The following TRPC5 variants were observed in gnomAD, a reference collection of about 807,000 sequenced individuals.
TRPC5 encodes transient receptor potential cation channel subfamily C member 5.
A neutral mutation model predicts 56.5 loss-of-function variants in TRPC5; 9 were observed. The ratio of observed to expected loss-of-function variants is 0.16; its 90% confidence interval spans 0.10 to 0.28. The LOEUF is 0.28. Among genes scored for constraint, TRPC5 ranks in the 10% least tolerant of loss-of-function variants. TRPC5 has a pLI of 1.00. For missense variants in TRPC5, 469 were observed against 748.9 expected, an observed-to-expected ratio of 0.63 and a Z score of 4.36; for synonymous variants, 282 against 278.5, an observed-to-expected ratio of 1.01 and a Z score of -0.13.
intron 1 of TRPC5, among the ~76,000 whole-genome samples, chrX:111,976,413 C>T (rs745855357): frequency 9.0e-5 from 10 of 111,025 alleles, no homozygotes; most frequent in African/African-American, 3.3e-4. Context: ...GCCACTCTCA[C>T]TGACAGAGTG....
At chrX:111,934,179 T>C (rs1190314617) in intron 2 of TRPC5, among the ~76,000 whole-genome samples, 4 of 110,812 alleles carry the variant, frequency 3.6e-5, no homozygotes, top group East Asian at 2.8e-4. Flanking sequence ...TAAGCTTTTA[T>C]CCAAAAAATT....
At chrX:111,867,741 C>T (rs775593962) in intron 3 of TRPC5, among the ~76,000 whole-genome samples, 6 of 112,065 alleles carry the variant, frequency 5.4e-5, no homozygotes, top group African/African-American at 1.3e-4. Flanking sequence ...GAATGTTTAA[C>T]GCCTAGTGGG....
At chrX:111,824,331 C>T (rs893053478) in intron 7 of TRPC5, among the ~76,000 whole-genome samples, 1 of 110,298 alleles carries the variant, frequency 9.1e-6, no homozygotes, top group African/African-American at 3.3e-5. Context: ...CAGTACCTAC[C>T]TTATAAAGCT....
At chrX:112,018,112 G>A (rs1929176172) in intron 1 of TRPC5, among the ~76,000 whole-genome samples, 1 of 111,942 alleles carries the variant, frequency 8.9e-6, no homozygotes, top group South Asian at 3.7e-4. Flanking sequence ...AAATGCAAAT[G>A]GCAAAACCAC....
rs139721958 is a variant in TRPC5 at position 111,773,382 on chromosome X, G to A, written c.*2931C>T. Among the ~76,000 whole-genome samples the A allele has an allele frequency of 2.7e-3, 303 of 111,673 alleles. No homozygotes were observed. The highest frequency in any genetic ancestry group is 9.4e-3 in the African/African-American group (288 of 30,716). ...ATGAGATCAAATAAATGAATCCAAG[G>A]TGTCCGGAAGTGATAAGCCAACTGT... On this transcript the variant is annotated 3_prime_UTR_variant, in exon 11 of 11. Coordinates refer to ENST00000262839, the MANE Select transcript of TRPC5 (RefSeq NM_012471.3).
At chrX:111,913,121 T>G (rs1242777561) in intron 2 of TRPC5, among the ~76,000 whole-genome samples, 1 of 111,201 alleles carries the variant, frequency 9.0e-6, no homozygotes, top group Non-Finnish European at 1.9e-5. Context: ...GTTACAAAGT[T>G]TTTAGTCAGC....
chrX:112,031,219 A>G (rs1929577065), intron 1 of TRPC5, among the ~76,000 whole-genome samples: 1 of 111,911 alleles, frequency 8.9e-6, no homozygotes, highest in African/African-American at 3.2e-5. Flanking sequence ...GATGAACACA[A>G]TGAACTATCT....
At chrX:111,884,385 A>C (rs1845868338) in intron 3 of TRPC5, among the ~76,000 whole-genome samples, 1 of 112,565 alleles carries the variant, frequency 8.9e-6, no homozygotes. Context: ...GCGTAAACAG[A>C]GTCTTTTAAA....
At chrX:112,080,724 T>A (rs1930944115) in intron 1 of TRPC5, among the ~76,000 whole-genome samples, 1 of 112,187 alleles carries the variant, frequency 8.9e-6, no homozygotes, top group African/African-American at 3.2e-5. Context: ...TCTCAGTTTT[T>A]AAAGAGTTTA....
chrX:111,847,050 T>C, intron 6 of TRPC5, 64 bp downstream of exon 6: 1 of 1,102,488 alleles, frequency 9.1e-7, no homozygotes, highest in Non-Finnish European at 1.2e-6. Context: ...AGGACAAAAA[T>C]GGAGAAGGCG....
At chrX:111,912,892 G>T in intron 2 of TRPC5, 80 bp from the exon 3 acceptor site, 2 of 1,011,869 alleles carry the variant, frequency 2.0e-6, no homozygotes, top group South Asian at 2.3e-5. Flanking sequence ...AAATGCTGGC[G>T]ATTCAGGAAT....
intron 1 of TRPC5, among the ~76,000 whole-genome samples, chrX:111,985,654 T>G (rs1053421673): frequency 8.9e-6 from 1 of 112,140 alleles, no homozygotes; most frequent in Non-Finnish European, 1.9e-5. Flanking sequence ...TCTGTTTTTA[T>G]GATTCAGGTT....
chrX:111,956,153 C>T (rs1045742607), intron 1 of TRPC5, among the ~76,000 whole-genome samples: 4 of 112,729 alleles, frequency 3.5e-5, no homozygotes, highest in Non-Finnish European at 5.6e-5. Flanking sequence ...TGGCAAATCC[C>T]AGCCCAGATT....
intron 1 of TRPC5, among the ~76,000 whole-genome samples, chrX:112,081,473 G>A (rs1930964490): frequency 9.0e-6 from 1 of 111,329 alleles, no homozygotes; most frequent in Admixed American, 9.5e-5. Flanking sequence ...TTGACGAAGG[G>A]CAGGTATCCT....
At chrX:111,915,835 G>C (rs1373476751) in intron 2 of TRPC5, among the ~76,000 whole-genome samples, 1 of 111,458 alleles carries the variant, frequency 9.0e-6, no homozygotes, top group African/African-American at 3.3e-5. Flanking sequence ...GCCAGGCGTG[G>C]TGGCTCATGC....
intron 7 of TRPC5, among the ~76,000 whole-genome samples, chrX:111,822,100 T>C (rs1011487764): frequency 1.8e-5 from 2 of 111,723 alleles, no homozygotes; most frequent in Non-Finnish European, 1.9e-5. Context: ...CACCTTTGAC[T>C]TGGGGACTAT....
chrX:111,799,280 G>A (rs933826570), intron 7 of TRPC5, among the ~76,000 whole-genome samples: 1 of 111,298 alleles, frequency 9.0e-6, no homozygotes, highest in Non-Finnish European at 1.9e-5. Context: ...TAGAAGGCCT[G>A]GACAATGAGA....
At chrX:112,015,325 T>C (rs1198233193) in intron 1 of TRPC5, among the ~76,000 whole-genome samples, 2 of 111,653 alleles carry the variant, frequency 1.8e-5, no homozygotes, top group Non-Finnish European at 3.8e-5. Flanking sequence ...ATCATGCAGA[T>C]TTTCCCCCTC....
intron 1 of TRPC5, among the ~76,000 whole-genome samples, chrX:111,989,631 A>T (rs1292667202): frequency 1.8e-5 from 2 of 112,015 alleles, no homozygotes; most frequent in Non-Finnish European, 3.8e-5. Flanking sequence ...GTTGTACCAA[A>T]GCTTATCTTG....
Sources: gnomAD v4.1 joint callset for allele counts (sites outside exome capture counted in the v4.1 genomes callset) on GRCh38, gnomAD v4.1.1 for gene constraint, MANE v1.5 for transcripts, NCBI Gene and HGNC (gene_info 2026-07-23, HGNC 2026-07-21) for gene names.